LYPLAL1: variants seen among roughly 807,000 people sequenced by gnomAD.
LYPLAL1 encodes lysophospholipase like 1.
Under a neutral mutation model 19.7 loss-of-function variants are expected in LYPLAL1, and 23 were observed. The ratio of observed to expected loss-of-function variants is 1.17; its 90% CI spans 0.84 to 1.65. The LOEUF (loss-of-function observed/expected upper bound fraction) is 1.65. Among genes scored for constraint, LYPLAL1 ranks in the 40% most tolerant of loss-of-function variants. LYPLAL1 has a pLI of 0.00. For missense variants in LYPLAL1, 355 were observed against 279.4 expected, an observed-to-expected ratio of 1.27 and a Z score of -1.93; for synonymous variants, 119 against 96.3, an observed-to-expected ratio of 1.24 and a Z score of -1.38.
At chr1:219,325,396 C>T in the LYPLAL1 span, among the ~76,000 whole-genome samples, 1 of 152,100 alleles carries the variant, frequency 6.6e-6, no homozygotes, top group East Asian at 1.9e-4. Context: ...TTGTCTAAAC[C>T]ACCCCTTCCC....
chr1:219,174,107 C>G (rs1166996998), intron 1 of LYPLAL1, 126 bp downstream of exon 1: 12 of 1,484,270 alleles, frequency 8.1e-6, no homozygotes, highest in Non-Finnish European at 9.0e-7. Context: ...GCTCCCCCGT[C>G]GCCAGCCCCG....
chr1:219,209,904 T>C (rs889882535), intron 3 of LYPLAL1, among the ~76,000 whole-genome samples: 1 of 152,108 alleles, frequency 6.6e-6, no homozygotes, highest in South Asian at 2.1e-4. Flanking sequence ...AAAGAGACAA[T>C]AACAGTTTGA....
the LYPLAL1 span, among the ~76,000 whole-genome samples, chr1:219,345,543 A>T: frequency 6.6e-6 from 1 of 152,184 alleles, no homozygotes; most frequent in Non-Finnish European, 1.5e-5. Context: ...AATGATGTAC[A>T]TGTGTGCTGC....
At chr1:219,262,673 C>T in the LYPLAL1 span, among the ~76,000 whole-genome samples, 27,747 of 152,162 alleles carry the variant, frequency 0.18, 2,745 homozygotes, top group Non-Finnish European at 0.21. Context: ...TGCAAAGAGT[C>T]CTGTGATGTG....
the LYPLAL1 span, among the ~76,000 whole-genome samples, chr1:219,310,466 T>C: frequency 2.4e-4 from 37 of 152,226 alleles, no homozygotes; most frequent in African/African-American, 8.4e-4. Flanking sequence ...CACTCAAGTG[T>C]CCTGAAAGCA....
chr1:219,440,316 GCC>G, the LYPLAL1 span, among the ~76,000 whole-genome samples: 24 of 151,990 alleles, frequency 1.6e-4, no homozygotes, highest in Admixed American at 1.4e-3. Flanking sequence ...TACTACCTCT[GCC>G]CACTGAAACA....
the LYPLAL1 span, among the ~76,000 whole-genome samples, chr1:219,378,775 C>G: frequency 8.6e-5 from 13 of 151,908 alleles, no homozygotes; most frequent in Admixed American, 1.3e-4. Flanking sequence ...CAGCAGAGAC[C>G]CAAAGGGTTA....
the LYPLAL1 span, among the ~76,000 whole-genome samples, chr1:219,369,343 C>A: frequency 6.6e-6 from 1 of 152,254 alleles, no homozygotes; most frequent in Non-Finnish European, 1.5e-5. Flanking sequence ...ATGATCTTGG[C>A]TCACTGCAAC....
the LYPLAL1 span, among the ~76,000 whole-genome samples, chr1:219,302,046 G>T: frequency 1.3e-5 from 2 of 152,130 alleles, no homozygotes; most frequent in African/African-American, 4.8e-5. Flanking sequence ...TCTGGAACAA[G>T]CAAAAAGGGG....
the LYPLAL1 span, among the ~76,000 whole-genome samples, chr1:219,406,834 T>G: frequency 6.6e-6 from 1 of 152,226 alleles, no homozygotes; most frequent in South Asian, 2.1e-4. Flanking sequence ...ACTTATGTGT[T>G]CTTCCTTTAA....
intron 2 of LYPLAL1, among the ~76,000 whole-genome samples, chr1:219,185,969 TCAGA>T (rs1656688904): frequency 6.6e-6 from 1 of 151,922 alleles, no homozygotes; most frequent in Non-Finnish European, 1.5e-5. Flanking sequence ...TAATGAGGTG[TCAGA>T]CAGAGTTACA....
chr1:219,373,250 C>T, the LYPLAL1 span, among the ~76,000 whole-genome samples: 12 of 152,214 alleles, frequency 7.9e-5, no homozygotes, highest in Admixed American at 1.3e-4. Context: ...TGGGAGCTCA[C>T]CTGCACTACA....
At chr1:219,220,257 C>T in the LYPLAL1 span, among the ~76,000 whole-genome samples, 1 of 150,008 alleles carries the variant, frequency 6.7e-6, no homozygotes, top group Non-Finnish European at 1.5e-5. Flanking sequence ...GTAATGTACT[C>T]AACCAATTAG....
At chr1:219,280,777 G>A in the LYPLAL1 span, among the ~76,000 whole-genome samples, 18 of 152,164 alleles carry the variant, frequency 1.2e-4, no homozygotes, top group African/African-American at 4.3e-4. Flanking sequence ...GCCAAGCATG[G>A]TGGCTCATGC....
At chr1:219,299,191 A>G in the LYPLAL1 span, among the ~76,000 whole-genome samples, 2 of 143,246 alleles carry the variant, frequency 1.4e-5, no homozygotes, top group African/African-American at 2.6e-5. Context: ...CCCCAAAACT[A>G]ATTTTATTAT....
chr1:219,416,345 A>G, the LYPLAL1 span, among the ~76,000 whole-genome samples: 1 of 152,086 alleles, frequency 6.6e-6, no homozygotes, highest in East Asian at 1.9e-4. Flanking sequence ...ATTTTTGTAG[A>G]ATGTCCCTCA....
the LYPLAL1 span, among the ~76,000 whole-genome samples, chr1:219,309,068 C>T: frequency 6.6e-6 from 1 of 152,208 alleles, no homozygotes; most frequent in African/African-American, 2.4e-5. Flanking sequence ...CCTCTTGCAT[C>T]AGCTGACCTG....
At chr1:219,250,903 C>G in the LYPLAL1 span, among the ~76,000 whole-genome samples, 64 of 152,132 alleles carry the variant, frequency 4.2e-4, 1 homozygote, top group South Asian at 0.012. Context: ...AATGGTTGAA[C>G]GAATTTACAC....
chr1:219,342,702 G>A, the LYPLAL1 span, among the ~76,000 whole-genome samples: 1 of 152,124 alleles, frequency 6.6e-6, no homozygotes, highest in Non-Finnish European at 1.5e-5. Context: ...AGACAAGACT[G>A]CTGGTTAAAA....
Sources: gnomAD v4.1 joint callset for allele counts (sites outside exome capture counted in the v4.1 genomes callset) on GRCh38, gnomAD v4.1.1 for gene constraint, MANE v1.5 for transcripts, NCBI Gene and HGNC (gene_info 2026-07-23, HGNC 2026-07-21) for gene names.